Variants in NISCH observed in about 807,000 individuals in gnomAD.
NISCH encodes the protein I-1 receptor candidate protein.
Under a neutral mutation model 138.4 loss-of-function variants are expected in NISCH, and 55 were observed. That is an observed-to-expected ratio of 0.40 (90% CI 0.32 to 0.50). NISCH has a LOEUF of 0.50. NISCH is among the 20% of genes least tolerant of loss of function. The probability of loss-of-function intolerance (pLI) is 0.71; values close to 1 mark genes in which losing one functional copy is unlikely to be tolerated. For synonymous variants in NISCH, 860 were observed against 861.5 expected, an observed-to-expected ratio of 1.00 and a Z score of 0.03; for missense variants, 1,643 against 2,005.5, an observed-to-expected ratio of 0.82 and a Z score of 3.45.
chr3:52,472,027 G>A, intron 5 of NISCH, 50 bp downstream of exon 5: 1 of 1,520,440 alleles, frequency 6.6e-7, no homozygotes, highest in Non-Finnish European at 8.9e-7. Context: ...CGGTGGGGGT[G>A]CAACCTGCGG....
intron 1 of NISCH, 79 bp downstream of exon 1, chr3:52,455,813 C>T: frequency 1.9e-6 from 2 of 1,050,172 alleles, no homozygotes; most frequent in Non-Finnish European, 2.5e-6. Flanking sequence ...GGGGAGGGGT[C>T]CGGGATCTGC....
At chr3:52,466,871 C>T (rs972444196) in intron 3 of NISCH, among the ~76,000 whole-genome samples, 1 of 152,168 alleles carries the variant, frequency 6.6e-6, no homozygotes, top group Non-Finnish European at 1.5e-5. Context: ...CCTTTGCCCA[C>T]GGCTACACAC....
chr3:52,491,605 C>T, intron 20 of NISCH, 92 bp downstream of exon 20: 1 of 1,365,658 alleles, frequency 7.3e-7, no homozygotes, highest in Non-Finnish European at 9.9e-7. Context: ...CCCTCTCTGC[C>T]TCTATGTCTC....
intron 8 of NISCH, 92 bp downstream of exon 8, chr3:52,476,691 G>A (rs985055745): frequency 3.8e-5 from 49 of 1,293,462 alleles, no homozygotes; most frequent in Middle Eastern, 4.1e-4. Flanking sequence ...GAAGGACCAC[G>A]GAAAACCTAT....
In NISCH at chr3:52,490,728, G is replaced by A. The variant is rs781218292; in HGVS notation, c.3637G>A (p.Asp1213Asn). Residue 1213 changes from aspartate (D) to asparagine (N), a missense_variant, in exon 19 of 21, where the codon GAC becomes AAC. Physicochemically the swap from Asp to Asn is conservative, Grantham distance 23. Coordinates refer to ENST00000345716, the MANE Select transcript of NISCH (RefSeq NM_007184.4). Reference sequence around the variant, plus strand: ...AGATTTCTGGCATCAGAAAAACACCGACTACAACAACAGCCCTTTCCACAT... The same window carrying A: ...AGATTTCTGGCATCAGAAAAACACCAACTACAACAACAGCCCTTTCCACAT... ...LQDFWHQKNT[D>N]YNNSPFHISQ... is the part of the protein sequence containing the mutation. 10 of 1,614,040 alleles carry A rather than the reference G, an allele frequency of 6.2e-6. No homozygotes were observed. Among genetic ancestry groups the A allele is most frequent in the African/African-American group, 4.0e-5 (3 of 74,932 alleles).
rs966032019 is a variant in NISCH, at chr3:52,471,042, G to T, written c.409+135G>T. ...TGTAGGTGGCCAGGTCTGAGGAGCT[G>T]TGGTCCTTCAGTACTCTTGAGTACC... On this transcript the variant is annotated intron_variant, in intron 4 of 20. Coordinates refer to ENST00000345716, the MANE Select transcript of NISCH (RefSeq NM_007184.4). 36 of 837,096 alleles carry T rather than the reference G, an allele frequency of 4.3e-5. No homozygotes were observed. In the Middle Eastern group the frequency reaches 1.0e-3, roughly 24 times the overall value. The allele number at this position is 837,096 out of a possible 1,614,324, so 51.9% of individuals were successfully genotyped here. A position where few individuals can be genotyped will look rare whatever the true frequency, so the allele number is the denominator to read the frequency against.
chr3:52,473,766 G>A lies in NISCH; in HGVS notation c.702G>A (p.Gly234=), dbSNP rs56114678. 0.047 allele frequency: 75,100 copies of A among 1,607,648 alleles called. 2,056 individuals carry two copies. The highest frequency in any genetic ancestry group is 0.052 in the Non-Finnish European group (61,396 of 1,174,800). ...ISHCDAKHIR[G]LVASKPTLAT... ...ACTGTGATGCTAAGCACATCAGAGG[G>A]CTGGTCGCATCGAAGCCCACCTTAG... Residue 234 remains glycine, a synonymous_variant, in exon 7 of 21, where the codon GGG becomes GGA. Coordinates refer to ENST00000345716, the MANE Select transcript of NISCH (RefSeq NM_007184.4).
intron 2 of NISCH, 78 bp from the exon 3 acceptor site, chr3:52,458,584 C>G: frequency 7.7e-7 from 1 of 1,298,080 alleles, no homozygotes; most frequent in Non-Finnish European, 1.1e-6. Flanking sequence ...AAGCGCCTGC[C>G]CTCAAGCTTC....
chr3:52,488,057 C>T lies in NISCH; in HGVS notation c.2565C>T (p.Cys855=), dbSNP rs370316749. 1.2e-6 allele frequency: 2 copies of T among 1,612,628 alleles called. No individual in the cohort carries two copies. The highest frequency in any genetic ancestry group is 1.7e-6 in the Non-Finnish European group (2 of 1,179,924). ...AGGCQERSQG[C]FPVYLVYSDK... is the part of the protein sequence containing the mutation. ...GCTGCCAGGAGCGCAGCCAGGGCTG[C>T]TTCCCCGTCTACCTGGTCTACAGTG... Residue 855 remains cysteine (C), a synonymous_variant, in exon 16 of 21, where the codon TGC becomes TGT. Transcript: ENST00000345716.
rs906702117 is a variant in NISCH at position 52,472,371 on chromosome 3, A to C, written c.642A>C (p.Ser214=). The change falls in exon 6 of 21, where the codon TCA becomes TCC. Residue 214 remains serine (S), a synonymous_variant. Transcript: ENST00000345716. ...AGCAGCTCCTGCCGTTCGACCTATC[A>C]ATATTCAAGTCCCTGCATCAGGTGG... ...IQEQLLPFDL[S]IFKSLHQVEI... 1 of 1,614,016 alleles carries C rather than the reference A, an allele frequency of 6.2e-7. No homozygotes were observed. Among genetic ancestry groups the C allele is most frequent in the Admixed American group, 1.7e-5 (1 of 60,002 alleles).
intron 6 of NISCH, among the ~76,000 whole-genome samples, chr3:52,472,864 C>T (rs1378326536): frequency 6.6e-6 from 1 of 152,186 alleles, no homozygotes; most frequent in Non-Finnish European, 1.5e-5. Flanking sequence ...TTTGCGATGC[C>T]AATTTTAGCA....
rs878979946 is a variant in NISCH at position 52,490,923 on chromosome 3, A to T, written c.3742+90A>T. 43 of 1,547,578 alleles carry T rather than the reference A, an allele frequency of 2.8e-5. No individual in the cohort carries two copies. In the South Asian group the frequency reaches 5.0e-4, roughly 18 times the overall value. On this transcript the variant is annotated intron_variant, in intron 19 of 20. Coordinates refer to ENST00000345716, the MANE Select transcript of NISCH (RefSeq NM_007184.4). ...CTTCCGTACGTGGGTGGGTTATCAT[A>T]GACAGTTATCTCTGTGCTCAAGAGC...
rs775512238 is a variant in NISCH at position 52,490,059 on chromosome 3, G to C, written c.3457-16G>C. The stretch of plus-strand genomic sequence containing the variant: ...TGCTAGGGTGGTGGAGCTGACAGGA[G>C]GCCCCCCGTCTTCAGGTTGAAAACG... On this transcript the variant is annotated splice_polypyrimidine_tract_variant and intron_variant, in intron 17 of 20. Transcript: ENST00000345716. 6.2e-7 allele frequency: 1 copy of C among 1,613,080 alleles called. No homozygotes were observed. Among genetic ancestry groups the C allele is most frequent in the East Asian group, 2.2e-5 (1 of 44,872 alleles).
chr3:52,464,409 A>C (rs1002357257), intron 3 of NISCH, among the ~76,000 whole-genome samples: 1 of 152,046 alleles, frequency 6.6e-6, no homozygotes, highest in Non-Finnish European at 1.5e-5. Flanking sequence ...AACAAAAAAA[A>C]CAAAAAAAAC....
rs1707423439 is a variant in NISCH at position 52,487,244 on chromosome 3, G to C, written c.1752G>C (p.Gln584His). 2.5e-6 allele frequency: 4 copies of C among 1,614,186 alleles called. No individual in the cohort carries two copies. Among genetic ancestry groups the C allele is most frequent in the Middle Eastern group, 3.3e-4 (2 of 6,062 alleles). ...TCCAGGTGGTGCCGGGGTCTGGCCA[G>C]ATCATCTTCCTGCCCTTCACCTGCA... ...PEVQVVPGSG[Q>H]IIFLPFTCIG... The change falls in exon 16 of 21, where the codon CAG becomes CAC. Residue 584 changes from glutamine (Q) to histidine (H), a missense_variant. Transcript: ENST00000345716. This position sits in a 1 kb window ranked among gnomAD's most constrained non-coding sequence, Gnocchi z 9.1.
intron 7 of NISCH, among the ~76,000 whole-genome samples, chr3:52,474,441 T>C (rs1374480025): frequency 1.3e-5 from 2 of 151,724 alleles, no homozygotes; most frequent in African/African-American, 4.8e-5. Context: ...GGACTACAGG[T>C]GCCCGCCACC....
intron 6 of NISCH, 132 bp downstream of exon 6, chr3:52,472,530 G>A (rs773646213): frequency 2.3e-4 from 180 of 766,938 alleles, no homozygotes; most frequent in Non-Finnish European, 2.5e-4. Flanking sequence ...CAGGTTCTGC[G>A]TAGGTGACCA....
intron 3 of NISCH, among the ~76,000 whole-genome samples, chr3:52,462,456 T>A (rs1225482624): frequency 6.6e-6 from 1 of 152,098 alleles, no homozygotes; most frequent in African/African-American, 2.4e-5. Flanking sequence ...AGATCTTCAT[T>A]TGGGGCCTAA....
At position 52,487,717 on chromosome 3, in the gene NISCH, C is replaced by T. The variant is rs777597276; in HGVS notation, c.2225C>T (p.Pro742Leu). ...TTCGGCATCGCAGTCTTCGAGATCCCGCACCAGGAGTCTCGGGGCAGCAGC... is the reference window on the plus strand; with the variant it reads ...TTCGGCATCGCAGTCTTCGAGATCCTGCACCAGGAGTCTCGGGGCAGCAGC... The part of the protein sequence containing the change: ...TDFGIAVFEI[P>L]HQESRGSSQH... The change falls in exon 16 of 21, where the codon CCG becomes CTG. Residue 742 changes from proline (P) to leucine (L), a missense_variant. Transcript: ENST00000345716. This position sits in a 1 kb window ranked among gnomAD's most constrained non-coding sequence, Gnocchi z 9.1. The T allele has an allele frequency of 6.8e-6, 11 of 1,613,602 alleles. No homozygotes were observed. Among genetic ancestry groups the T allele is most frequent in the African/African-American group, 5.3e-5 (4 of 74,874 alleles).
Sources: gnomAD v4.1 joint callset for allele counts (sites outside exome capture counted in the v4.1 genomes callset) on GRCh38, gnomAD v4.1.1 for gene constraint, Gnocchi (gnomAD v3.1) non-coding constraint, MANE v1.5 for transcripts, NCBI Gene and HGNC (gene_info 2026-07-23, HGNC 2026-07-21) for gene names.